CAMTA1: variants seen among roughly 807,000 people sequenced by gnomAD.
The protein encoded by CAMTA1 is calmodulin binding transcription activator 1.
CAMTA1 carries 27 observed loss-of-function variants against 170.9 expected under a neutral mutation model. The ratio of observed to expected loss-of-function variants is 0.16; its 90% CI spans 0.12 to 0.22. CAMTA1 has a LOEUF of 0.22. Ranked by LOEUF, CAMTA1 falls within the 10% of genes least tolerant of loss-of-function variation. The pLI is 1.00. For missense variants in CAMTA1, 1,619 were observed against 2,217.2 expected (o/e 0.73, Z 5.42); for synonymous variants, 833 against 891.5 (o/e 0.93, Z 1.17).
intron 3 of CAMTA1, among the ~76,000 whole-genome samples, chr1:7,081,158 C>T (rs1245648198): frequency 6.6e-6 from 1 of 152,212 alleles, no homozygotes; most frequent in African/African-American, 2.4e-5. Context: ...GGACTGTCTC[C>T]TGAGGGTACA....
chr1:7,463,025 C>A lies in CAMTA1; in HGVS notation c.439-4805C>A, dbSNP rs1295929746. ...AGCTGAGCGGGGTCTTCGGAGGCAG[C>A]ACAGGGAGGTTGTCCTGGTGAATGG... On this transcript the variant is annotated intron_variant, in intron 5 of 22. Transcript: ENST00000303635. The surrounding 1 kb of genome is among the most constrained non-coding windows in gnomAD (Gnocchi z 4.7). Among the ~76,000 whole-genome samples, 2 of 152,338 alleles carry A rather than the reference C, an allele frequency of 1.3e-5. No individual in the cohort carries two copies. The highest frequency in any genetic ancestry group is 3.9e-4 in the East Asian group (2 of 5,182).
intron 3 of CAMTA1, among the ~76,000 whole-genome samples, chr1:6,863,088 T>C (rs568916258): frequency 2.0e-5 from 3 of 152,300 alleles, no homozygotes; most frequent in African/African-American, 7.2e-5. Flanking sequence ...TGTGTGTACA[T>C]TGTGTAATGA....
intron 6 of CAMTA1, among the ~76,000 whole-genome samples, chr1:7,559,306 ACCCAGCTCTG>A (rs2094925537): frequency 1.3e-5 from 2 of 151,900 alleles, no homozygotes; most frequent in Admixed American, 6.6e-5. Flanking sequence ...GCCCTCCTGC[ACCCAGCTCTG>A]CCCAGGGGAG....
chr1:7,242,725 G>A (rs931141582), intron 4 of CAMTA1, among the ~76,000 whole-genome samples: 3 of 151,900 alleles, frequency 2.0e-5, no homozygotes, highest in East Asian at 1.9e-4. Flanking sequence ...TCAGGAGATC[G>A]AGACCATCCT....
At chr1:6,888,473 G>A (rs1374524816) in intron 3 of CAMTA1, among the ~76,000 whole-genome samples, 1 of 152,196 alleles carries the variant, frequency 6.6e-6, no homozygotes, top group Admixed American at 6.5e-5. Context: ...CATGAGTCAT[G>A]TCTCTGGAAT....
chr1:6,990,869 G>C (rs1400367872), intron 3 of CAMTA1, among the ~76,000 whole-genome samples: 3 of 151,288 alleles, frequency 2.0e-5, no homozygotes, highest in Non-Finnish European at 4.4e-5. Flanking sequence ...CTTTTTGGGG[G>C]TACAAGTGGT....
At chr1:6,889,945 C>T (rs1674156407) in intron 3 of CAMTA1, among the ~76,000 whole-genome samples, 1 of 152,162 alleles carries the variant, frequency 6.6e-6, no homozygotes, top group Non-Finnish European at 1.5e-5. Flanking sequence ...CCAGCAAATG[C>T]TTAAAGCCAC....
intron 11 of CAMTA1, among the ~76,000 whole-genome samples, chr1:7,728,548 A>G (rs1369624198): frequency 6.6e-6 from 1 of 152,354 alleles, no homozygotes; most frequent in East Asian, 1.9e-4. Flanking sequence ...GACTTGCAGA[A>G]GAAATCACAG....
In CAMTA1 at chr1:7,736,814, A is replaced by G; in HGVS notation, c.3264-117A>G. On this transcript the variant is annotated intron_variant, in intron 13 of 22. Transcript: ENST00000303635. The surrounding 1 kb of genome is among the most constrained non-coding windows in gnomAD (Gnocchi z 4.5). ...CACTGCCCTGGGACTCTGTTTCTTC[A>G]CCATGGGGATGTTATATACCCAGTT... is the stretch of plus-strand genomic sequence containing the variant. 1.2e-6 allele frequency: 1 copy of G among 850,954 alleles called. No individual in the cohort carries two copies. Among genetic ancestry groups the G allele is most frequent in the Non-Finnish European group, 1.9e-6 (1 of 523,662 alleles). 52.7% of individuals were successfully genotyped at this position (850,954 alleles called of 1,614,324 possible). A position where few individuals can be genotyped will look rare whatever the true frequency, so the allele number is the denominator to read the frequency against.
chr1:7,592,699 T>G lies in CAMTA1; in HGVS notation c.511-47701T>G, dbSNP rs1176542188. Among the ~76,000 whole-genome samples, 5 of 152,232 alleles carry G rather than the reference T, an allele frequency of 3.3e-5. No individual in the cohort carries two copies. Among genetic ancestry groups the G allele is most frequent in the Non-Finnish European group, 7.4e-5 (5 of 68,000 alleles). ...TCAGGTCGGAAGCTTGTCTGTGCCC[T>G]GAACATAGGACACACAGTGTCCTCA... On this transcript the variant is annotated intron_variant, in intron 6 of 22. Transcript: ENST00000303635. The surrounding 1 kb of genome is among the most constrained non-coding windows in gnomAD (Gnocchi z 4.6).
intron 6 of CAMTA1, among the ~76,000 whole-genome samples, chr1:7,595,130 G>C (rs993393184): frequency 5.3e-5 from 8 of 152,184 alleles, no homozygotes; most frequent in African/African-American, 1.9e-4. Context: ...TTCAGGATAG[G>C]GGTCCTGGGT....
rs2083131101 is a variant in CAMTA1, at chr1:7,333,055, C to T, written c.438+83429C>T. 6.6e-6 allele frequency among the ~76,000 whole-genome samples: 1 copy of T among 152,196 alleles called. No homozygotes were observed. The highest frequency in any genetic ancestry group is 1.9e-4 in the East Asian group (1 of 5,196). ...AAGCCCTTTATGGTCTGTTTCCTTG[C>T]ATTCCTCAGCCATTTATTGCTGCAC... is the stretch of plus-strand genomic sequence containing the variant. On this transcript the variant is annotated intron_variant, in intron 5 of 22. Coordinates refer to ENST00000303635, the MANE Select transcript of CAMTA1 (RefSeq NM_015215.4). The surrounding 1 kb of genome is among the most constrained non-coding windows in gnomAD (Gnocchi z 4.4).
At chr1:7,520,720 T>C (rs949674018) in intron 6 of CAMTA1, among the ~76,000 whole-genome samples, 3 of 152,180 alleles carry the variant, frequency 2.0e-5, no homozygotes, top group Admixed American at 1.3e-4. Flanking sequence ...CCCAGGCTCC[T>C]ACGCCAAGGA....
At chr1:7,723,458 A>G (rs2096662424) in intron 11 of CAMTA1, among the ~76,000 whole-genome samples, 1 of 152,200 alleles carries the variant, frequency 6.6e-6, no homozygotes, top group African/African-American at 2.4e-5. Flanking sequence ...AAATAAGGAC[A>G]AATCTTCCTT....
chr1:6,881,499 A>G (rs1289255089), intron 3 of CAMTA1, among the ~76,000 whole-genome samples: 3 of 152,142 alleles, frequency 2.0e-5, no homozygotes, highest in African/African-American at 4.8e-5. Context: ...AGAAGCCAGG[A>G]GAATGACAAG....
In CAMTA1 at chr1:7,709,874, G is replaced by A. The variant is rs537312262; in HGVS notation, c.2915-22574G>A. Reference sequence around the variant, plus strand: ...TCAGAGTGCATTGCACATAGTAAGCGTAAGTATTGATTTGGGAAGCTTTTT... The same window carrying A: ...TCAGAGTGCATTGCACATAGTAAGCATAAGTATTGATTTGGGAAGCTTTTT... On this transcript the variant is annotated intron_variant, in intron 11 of 22. Coordinates refer to ENST00000303635, the MANE Select transcript of CAMTA1 (RefSeq NM_015215.4). 2.2e-4 allele frequency among the ~76,000 whole-genome samples: 34 copies of A among 152,314 alleles called. No homozygotes were observed. The South Asian group carries it at 2.3e-3, about 10-fold the overall frequency.
intron 11 of CAMTA1, among the ~76,000 whole-genome samples, chr1:7,717,409 A>G (rs2096618720): frequency 6.6e-6 from 1 of 152,182 alleles, no homozygotes; most frequent in Non-Finnish European, 1.5e-5. Flanking sequence ...ACTTCAAAAC[A>G]TCAGGTTGTA....
In CAMTA1 at chr1:6,916,082, C is replaced by T. The variant is rs779420844; in HGVS notation, c.234+90872C>T. On this transcript the variant is annotated intron_variant, in intron 3 of 22. Transcript: ENST00000303635. ...TTCCCAGGTGCAGACATCTCAGAGG[C>T]GACCAGGCTGCCAGAGAAGGGGACG... 6.6e-5 allele frequency among the ~76,000 whole-genome samples: 10 copies of T among 152,112 alleles called. 1 individual carries two copies. The highest frequency in any genetic ancestry group is 4.2e-4 in the South Asian group (2 of 4,812).
intron 11 of CAMTA1, among the ~76,000 whole-genome samples, chr1:7,706,058 C>G (rs1045140426): frequency 1.3e-5 from 2 of 152,202 alleles, no homozygotes; most frequent in Admixed American, 1.3e-4. Context: ...AAGCATTTCT[C>G]TACAAATCAG....
Sources: gnomAD v4.1 joint callset for allele counts (sites outside exome capture counted in the v4.1 genomes callset) on GRCh38, gnomAD v4.1.1 for gene constraint, Gnocchi (gnomAD v3.1) non-coding constraint, MANE v1.5 for transcripts, NCBI Gene and HGNC (gene_info 2026-07-23, HGNC 2026-07-21) for gene names.